Variants in NIN observed in about 807,000 individuals in gnomAD.
The protein encoded by NIN is glycogen synthase kinase 3 beta-interacting protein.
NIN carries 137 observed loss-of-function variants against 257.6 expected under a neutral mutation model. That is an observed-to-expected ratio of 0.53 (90% CI 0.46 to 0.61). The LOEUF is 0.61. Among genes scored for constraint, NIN ranks in the 20% least tolerant of loss-of-function variants. The pLI is 0.00. For missense variants in NIN, 2,439 were observed against 2,501.2 expected (o/e 0.98, Z 0.53); for synonymous variants, 918 against 919.8 (o/e 1.00, Z 0.04).
intron 5 of NIN, among the ~76,000 whole-genome samples, chr14:50,786,583 C>T (rs955346999): frequency 1.3e-5 from 2 of 151,528 alleles, no homozygotes; most frequent in African/African-American, 2.4e-5. Flanking sequence ...TGGGAATAGC[C>T]GGATGATCTG....
intron 12 of NIN, 94 bp from the exon 13 acceptor site, chr14:50,766,984 T>G: frequency 1.3e-6 from 1 of 785,972 alleles, no homozygotes; most frequent in Admixed American, 2.3e-5. Flanking sequence ...GTACCGTAGA[T>G]TAAAGATGTT....
At chr14:50,731,837 T>TA (rs985419392) in intron 28 of NIN, among the ~76,000 whole-genome samples, 2 of 152,006 alleles carry the variant, frequency 1.3e-5, no homozygotes, top group African/African-American at 4.8e-5. Flanking sequence ...AATAAATAAA[T>TA]AAAAAAGATT....
chr14:50,728,577 T>G lies in NIN; in HGVS notation c.6078+946A>C, dbSNP rs74967621. On this transcript the variant is annotated intron_variant, in intron 29 of 30. Transcript: ENST00000530997. ...GGGATTCAAATAAGAGATAGGAAAT[T>G]CCTTGTCAAGCATTAACTGAGTGGC... 8.0e-3 allele frequency among the ~76,000 whole-genome samples: 1,213 copies of G among 152,292 alleles called. 18 individuals are homozygous for G. Among genetic ancestry groups the G allele is most frequent in the African/African-American group, 0.027 (1,126 of 41,550 alleles).
chr14:50,827,337 C>T (rs1237592185), intron 2 of NIN, among the ~76,000 whole-genome samples: 1 of 152,264 alleles, frequency 6.6e-6, no homozygotes, highest in East Asian at 1.9e-4. Context: ...CCTCTCTGCT[C>T]AGTGTCTCAC....
Position 50,798,811 on chromosome 14 carries a change from G to A in NIN, c.266-5930C>T, listed in dbSNP as rs553684366. Among the ~76,000 whole-genome samples, 109 of 152,250 alleles carry A rather than the reference G, an allele frequency of 7.2e-4. 2 individuals are homozygous for A. Among genetic ancestry groups the A allele is most frequent in the African/African-American group, 2.5e-3 (105 of 41,554 alleles). On this transcript the variant is annotated intron_variant, in intron 4 of 30. Transcript: ENST00000530997. ...ATTTATTTATTTGAGACGGAGTCTC[G>A]CTCTATTGCCAGGCTAGAGTGCAGT...
chr14:50,822,776 C>T (rs2045286263), intron 2 of NIN, among the ~76,000 whole-genome samples: 1 of 152,208 alleles, frequency 6.6e-6, no homozygotes, highest in Admixed American at 6.5e-5. Context: ...TTCACTGGTG[C>T]AATTACATGA....
intron 5 of NIN, among the ~76,000 whole-genome samples, chr14:50,779,532 G>A (rs1225446793): frequency 6.6e-6 from 1 of 152,166 alleles, no homozygotes; most frequent in African/African-American, 2.4e-5. Flanking sequence ...GCCGAGGTGG[G>A]CGGATCACGA....
rs750926944 is a variant in NIN at position 50,758,535 on chromosome 14, G to A, written c.2495C>T (p.Ala832Val). The change falls in exon 18 of 31, where the codon GCT (alanine) becomes GTT (valine). Residue 832 changes from alanine (A) to valine (V), a missense_variant. Physicochemically the swap from Ala to Val is moderately conservative, Grantham distance 64 (BLOSUM62 0). Transcript: ENST00000530997. ...GTAGCGCCCCTCCAGGCTTTGCAGA[G>A]CGCTTTCACACCTCTCAGTGACTTT... is the stretch of plus-strand genomic sequence containing the variant. The part of the protein sequence containing the change: ...CQKVTERCES[A>V]LQSLEGRYRQ... 7 of 1,614,140 alleles carry A rather than the reference G, an allele frequency of 4.3e-6. No individual in the cohort carries two copies. Among genetic ancestry groups the A allele is most frequent in the Admixed American group, 3.3e-5 (2 of 60,012 alleles).
chr14:50,758,759 C>A, intron 17 of NIN, 129 bp from the exon 18 acceptor site: 2 of 775,822 alleles, frequency 2.6e-6, no homozygotes, highest in African/African-American at 1.7e-5. Flanking sequence ...ATGCTCTTAA[C>A]TTACTCCTAT....
At position 50,760,155 on chromosome 14, in the gene NIN, TCTC is replaced by T. The variant is rs1006192923; in HGVS notation, c.2098_2100del (p.Glu700del). 1.2e-6 allele frequency: 2 copies of T among 1,614,186 alleles called. No individual in the cohort carries two copies. The highest frequency in any genetic ancestry group is 2.7e-5 in the African/African-American group (2 of 75,040). Reference sequence around the variant, plus strand: ...TCAAGCTTCACTTGCAGTTGTTTTTTCTCCTCCTCATGCCTGCAAGTGGCCTCA... The same window carrying T: ...TCAAGCTTCACTTGCAGTTGTTTTTTCTCCTCATGCCTGCAAGTGGCCTCA... On this transcript the variant is annotated inframe_deletion, in exon 17 of 31. Transcript: ENST00000530997.
chr14:50,773,462 G>GA (rs1356308094), intron 7 of NIN, among the ~76,000 whole-genome samples: 2 of 152,184 alleles, frequency 1.3e-5, no homozygotes, highest in African/African-American at 4.8e-5. Context: ...CATAACAGTA[G>GA]AAAGTGGTTG....
At chr14:50,768,004 G>C in intron 12 of NIN, among the ~76,000 whole-genome samples, 1 of 147,096 alleles carries the variant, frequency 6.8e-6, no homozygotes, top group Admixed American at 6.8e-5. Flanking sequence ...TTTTTAAAAG[G>C]ATCTGTATAT....
At position 50,741,820 on chromosome 14, in the gene NIN, C is replaced by G. The variant is rs1031110219; in HGVS notation, c.5302-92G>C. The G allele has an allele frequency of 2.1e-6, 3 of 1,421,026 alleles. No individual in the cohort carries two copies. The African/African-American group carries it at 4.3e-5, about 20-fold the overall frequency. 88.0% of individuals were successfully genotyped at this position (1,421,026 alleles called of 1,614,324 possible). A position where few individuals can be genotyped will look rare whatever the true frequency, so the allele number is the denominator to read the frequency against. On this transcript the variant is annotated intron_variant, in intron 24 of 30. Coordinates refer to ENST00000530997, the MANE Select transcript of NIN (RefSeq NM_020921.4). ...GAATGAATAAGGACAAAAGAACTTT[C>G]AAGTCTGTTTGTTTCTCTTTACTAA... is the stretch of plus-strand genomic sequence containing the variant.
At position 50,765,744 on chromosome 14, in the gene NIN, A is replaced by G. The variant is rs535009257; in HGVS notation, c.1635+563T>C. 6.6e-5 allele frequency among the ~76,000 whole-genome samples: 10 copies of G among 151,510 alleles called. 1 individual carries two copies. The South Asian group carries it at 2.1e-3, about 31-fold the overall frequency. On this transcript the variant is annotated intron_variant, in intron 14 of 30. Transcript: ENST00000530997. ...GTAAAAAATGTATTCAGAAAAAAAA[A>G]AACCCACAGGACAAAACCAAATCAC...
chr14:50,750,723 TC>T (rs1444481984), intron 21 of NIN, among the ~76,000 whole-genome samples: 2 of 152,202 alleles, frequency 1.3e-5, no homozygotes, highest in African/African-American at 4.8e-5. Flanking sequence ...TTGGGTTTCT[TC>T]CCCCACCACT....
chr14:50,746,373 GC>G (rs2041539933), intron 22 of NIN, among the ~76,000 whole-genome samples: 1 of 152,182 alleles, frequency 6.6e-6, no homozygotes, highest in South Asian at 2.1e-4. Context: ...GGCAGAACAT[GC>G]ATTTTGCATA....
intron 14 of NIN, among the ~76,000 whole-genome samples, chr14:50,765,863 T>A (rs1273846342): frequency 1.3e-5 from 2 of 151,642 alleles, no homozygotes; most frequent in East Asian, 3.9e-4. Flanking sequence ...TTTAATTTTA[T>A]TATACTTTAA....
chr14:50,794,806 T>C (rs1415997563), intron 4 of NIN, among the ~76,000 whole-genome samples: 1 of 151,700 alleles, frequency 6.6e-6, no homozygotes, highest in African/African-American at 2.4e-5. Flanking sequence ...AACTATCTTT[T>C]AAAAATCCAT....
At chr14:50,731,717 C>T (rs925793701) in intron 28 of NIN, among the ~76,000 whole-genome samples, 3 of 151,914 alleles carry the variant, frequency 2.0e-5, no homozygotes, top group Admixed American at 1.3e-4. Context: ...TCCCAGCTAC[C>T]TGGGAGGCTG....
Sources: allele counts gnomAD v4.1 joint callset (sites outside exome capture counted in the v4.1 genomes callset), GRCh38; gene constraint gnomAD v4.1.1; transcripts MANE v1.5; gene names NCBI Gene and HGNC (gene_info 2026-07-23, HGNC 2026-07-21).